The following STK3 variants were observed in gnomAD, a reference collection of about 807,000 sequenced individuals.
The protein encoded by STK3 is serine/threonine-protein kinase 3.
In STK3, 41 loss-of-function variants were observed where a neutral mutation model predicts 58.0. The observed-to-expected ratio is 0.71, with a 90% CI of 0.55 to 0.92. STK3 has a LOEUF of 0.92. STK3 is among the 40% of genes least tolerant of loss of function. The pLI is 0.00. For missense variants in STK3, 479 were observed against 602.7 expected, an observed-to-expected ratio of 0.79 and a Z score of 2.15; for synonymous variants, 170 against 191.0, an observed-to-expected ratio of 0.89 and a Z score of 0.91.
chr8:98,632,851 T>C (rs1256236383), intron 6 of STK3, among the ~76,000 whole-genome samples: 1 of 152,146 alleles, frequency 6.6e-6, no homozygotes, highest in East Asian at 1.9e-4. Context: ...AGAGAGAGAA[T>C]ATTCTTTCCT....
At chr8:98,632,293 C>T (rs1268337024) in intron 6 of STK3, among the ~76,000 whole-genome samples, 3 of 152,122 alleles carry the variant, frequency 2.0e-5, no homozygotes, top group Non-Finnish European at 2.9e-5. Flanking sequence ...GAGAGATTGG[C>T]GACCATGTGA....
At chr8:98,376,738 TA>T (rs1452888993) in intron 2 of STK3, among the ~76,000 whole-genome samples, 1 of 152,228 alleles carries the variant, frequency 6.6e-6, no homozygotes, top group Admixed American at 6.5e-5. Flanking sequence ...GTTTATAACT[TA>T]AGAGTGAAAT....
chr8:98,663,847 T>C (rs937167986), intron 6 of STK3, among the ~76,000 whole-genome samples: 1 of 152,122 alleles, frequency 6.6e-6, no homozygotes, highest in Non-Finnish European at 1.5e-5. Context: ...ATTTCTAAGG[T>C]AGGAGAAAGG....
rs573900943 is a variant in STK3, at chr8:98,929,467, G to A, written c.-79+12911C>T. Among the ~76,000 whole-genome samples the A allele has an allele frequency of 2.6e-5, 4 of 152,256 alleles. 1 individual carries two copies. Among genetic ancestry groups the A allele is most frequent in the Non-Finnish European group, 2.9e-5 (2 of 68,020 alleles). On this transcript the variant is annotated intron_variant, in intron 1 of 1. Transcript: ENST00000519420. ...AGCTCAGGAGTTTGAGACTAGCCTA[G>A]GGAACGTGGCGAAACCCCATCTCTG... is the stretch of plus-strand genomic sequence containing the variant.
chr8:98,769,341 T>C (rs1587566794), intron 2 of STK3, among the ~76,000 whole-genome samples: 1 of 152,118 alleles, frequency 6.6e-6, no homozygotes, highest in Non-Finnish European at 1.5e-5. Context: ...TGGGGGCAGG[T>C]CTTTCCCATG....
At chr8:98,939,080 G>T (rs557104345) in intron 1 of STK3, among the ~76,000 whole-genome samples, 5 of 152,136 alleles carry the variant, frequency 3.3e-5, no homozygotes, top group Non-Finnish European at 7.3e-5. Context: ...TCCTAAGCTC[G>T]TTTCCAAGTA....
chr8:98,940,648 C>G (rs1281819070), intron 1 of STK3, among the ~76,000 whole-genome samples: 1 of 152,188 alleles, frequency 6.6e-6, no homozygotes, highest in African/African-American at 2.4e-5. Context: ...TGCACGCGGT[C>G]CCCTGGGAAA....
At chr8:98,880,998 C>A (rs1333383589), downstream of STK3, 2 of 152,156 alleles carry the variant, frequency 1.3e-5, no homozygotes, top group Non-Finnish European at 2.9e-5. Context: ...TTATGACTAA[C>A]CCAAAACCTG....
intron 1 of STK3, among the ~76,000 whole-genome samples, chr8:98,885,163 G>GT (rs1837937361): frequency 6.6e-6 from 1 of 152,184 alleles, no homozygotes; most frequent in African/African-American, 2.4e-5. Flanking sequence ...ACATACCAGA[G>GT]TCTGGTCTTA....
At chr8:98,617,929 T>C (rs1161742695) in intron 6 of STK3, among the ~76,000 whole-genome samples, 4 of 152,014 alleles carry the variant, frequency 2.6e-5, no homozygotes, top group Admixed American at 6.6e-5. Context: ...TTCCAATCAA[T>C]AGAAAAAGAG....
At chr8:98,352,136 C>CAAAAA in the STK3 span, among the ~76,000 whole-genome samples, 3 of 110,454 alleles carry the variant, frequency 2.7e-5, no homozygotes, top group Non-Finnish European at 3.6e-5. Flanking sequence ...GACTCTGTCT[C>CAAAAA]AAAAAAAAAA....
chr8:98,893,482 GAAAGAGAAAGAAAGAAAGAA>G (rs1838309249), intron 1 of STK3, among the ~76,000 whole-genome samples: 56 of 56,446 alleles, frequency 9.9e-4, no homozygotes, highest in African/African-American at 1.9e-3. Flanking sequence ...AAGAAAGAAA[GAAAGAGAAAGAAAGAAAGAA>G]AGAAAGAAAG....
chr8:98,592,527 G>C (rs1019819328), intron 7 of STK3, among the ~76,000 whole-genome samples: 2 of 151,654 alleles, frequency 1.3e-5, no homozygotes, highest in African/African-American at 4.8e-5. Context: ...TCAGTTTTTT[G>C]TGTGTTTTTG....
At chr8:98,478,673 C>T (rs1175767281) in intron 10 of STK3, among the ~76,000 whole-genome samples, 2 of 152,180 alleles carry the variant, frequency 1.3e-5, no homozygotes, top group African/African-American at 2.4e-5. Context: ...CTTTCAGTTT[C>T]GGAGCCTCTA....
chr8:98,350,145 C>A, the STK3 span, among the ~76,000 whole-genome samples: 27 of 152,206 alleles, frequency 1.8e-4, no homozygotes, highest in Non-Finnish European at 2.9e-4. Context: ...CTCTTGAATG[C>A]TTTGCTGCTT....
intron 6 of STK3, among the ~76,000 whole-genome samples, chr8:98,678,464 A>C (rs1041624245): frequency 1.3e-5 from 2 of 152,134 alleles, no homozygotes; most frequent in African/African-American, 4.8e-5. Context: ...CTTTAGGATT[A>C]ATGACTAGTA....
chr8:98,468,713 A>C (rs1481894337), intron 10 of STK3, among the ~76,000 whole-genome samples: 2 of 152,262 alleles, frequency 1.3e-5, no homozygotes, highest in Non-Finnish European at 2.9e-5. Context: ...TTTCAAATGT[A>C]AATGTTTCAA....
intron 6 of STK3, among the ~76,000 whole-genome samples, chr8:98,616,433 C>T (rs1484288199): frequency 2.7e-5 from 4 of 148,360 alleles, no homozygotes; most frequent in Non-Finnish European, 4.5e-5. Flanking sequence ...CTAACATCAT[C>T]ATGACAGGAT....
upstream of STK3, among the ~76,000 whole-genome samples, chr8:98,828,920 C>T (rs1350251016): frequency 6.6e-6 from 1 of 152,372 alleles, no homozygotes; most frequent in African/African-American, 2.4e-5. Context: ...CTATACCTTG[C>T]ATAGCAAGTG....
Sources: allele counts gnomAD v4.1 joint callset (sites outside exome capture counted in the v4.1 genomes callset), GRCh38; gene constraint gnomAD v4.1.1; transcripts MANE v1.5; gene names NCBI Gene and HGNC (gene_info 2026-07-23, HGNC 2026-07-21).